CHRM2: variants seen among roughly 807,000 people sequenced by gnomAD.
CHRM2 encodes the protein cholinergic receptor muscarinic 2.
CHRM2 carries 8 observed loss-of-function variants against 25.0 expected under a neutral mutation model. The observed-to-expected ratio is 0.32, with a 90% CI of 0.19 to 0.58. The LOEUF is 0.58. CHRM2 is among the 20% of genes least tolerant of loss of function. The pLI, the probability that CHRM2 is intolerant of heterozygous loss-of-function variation, is 0.88. For synonymous variants in CHRM2, 202 were observed against 205.7 expected (o/e 0.98, Z 0.15); for missense variants, 440 against 567.1 (o/e 0.78, Z 2.28).
chr7:136,903,528 A>G (rs1419420131), intron 2 of CHRM2, among the ~76,000 whole-genome samples: 2 of 152,036 alleles, frequency 1.3e-5, no homozygotes, highest in Admixed American at 1.3e-4. Context: ...GAAATGATAG[A>G]AGTATAAGTA....
chr7:136,903,264 T>C (rs751260775), intron 2 of CHRM2: 1 of 533,882 alleles, frequency 1.9e-6, no homozygotes, highest in Non-Finnish European at 3.8e-6. Flanking sequence ...CTCCATGCTG[T>C]TGAGCTGTTC....
At chr7:136,979,922 A>G (rs1378753846) in intron 2 of CHRM2, among the ~76,000 whole-genome samples, 1 of 152,198 alleles carries the variant, frequency 6.6e-6, no homozygotes, top group African/African-American at 2.4e-5. Context: ...TGTCTTGGCT[A>G]TATGGGCTCT....
intron 3 of CHRM2, among the ~76,000 whole-genome samples, chr7:136,998,017 G>T (rs899374455): frequency 1.3e-5 from 2 of 152,174 alleles, no homozygotes; most frequent in Non-Finnish European, 2.9e-5. Flanking sequence ...ACAAACCTTT[G>T]CTATGACATT....
chr7:136,957,201 T>C (rs1447053821), intron 2 of CHRM2, among the ~76,000 whole-genome samples: 2 of 152,324 alleles, frequency 1.3e-5, no homozygotes, highest in East Asian at 1.9e-4. Context: ...CTTTGTTCAG[T>C]ACATCTTTTG....
At chr7:136,960,163 C>A (rs1800983968) in intron 2 of CHRM2, among the ~76,000 whole-genome samples, 1 of 152,122 alleles carries the variant, frequency 6.6e-6, no homozygotes, top group Admixed American at 6.5e-5. Flanking sequence ...CAATGGCAGG[C>A]AAATGTATTT....
At chr7:136,922,927 G>A (rs1798531652) in intron 2 of CHRM2, among the ~76,000 whole-genome samples, 2 of 152,134 alleles carry the variant, frequency 1.3e-5, no homozygotes, top group African/African-American at 4.8e-5. Flanking sequence ...TATACTTGCT[G>A]AATCCTCTGA....
rs150549905 is a variant in CHRM2 at position 136,950,265 on chromosome 7, C to A, written c.-124-41922C>A. 2.6e-5 allele frequency among the ~76,000 whole-genome samples: 4 copies of A among 152,266 alleles called. No homozygotes were observed. The East Asian group carries it at 7.7e-4, about 29-fold the overall frequency. On this transcript the variant is annotated intron_variant, in intron 2 of 3. Transcript: ENST00000680005. ...TTGCATCAAGAAGACGAAGTGCCCT[C>A]GTTCCTCATCAGGACAAGTGTGGGT...
chr7:136,874,695 T>A (rs1795980003), intron 2 of CHRM2, among the ~76,000 whole-genome samples: 1 of 151,880 alleles, frequency 6.6e-6, no homozygotes, highest in Admixed American at 6.6e-5. Context: ...TTAGGGAGAA[T>A]TTCAATTTCA....
chr7:137,016,654 G>A lies in CHRM2; in HGVS notation c.*388G>A. ...TTGTTCTCATGTGTCCTTAAGAGAA[G>A]GAAATGCCACAGTTACAAGGTAAAC... On this transcript the variant is annotated 3_prime_UTR_variant, in exon 4 of 4. Transcript: ENST00000680005. 4.8e-6 allele frequency: 1 copy of A among 208,922 alleles called. No homozygotes were observed. Among genetic ancestry groups the A allele is most frequent in the Non-Finnish European group, 1.1e-5 (1 of 94,026 alleles). 12.9% of individuals were successfully genotyped at this position (208,922 alleles called of 1,614,324 possible).
Position 136,957,225 on chromosome 7 carries a change from C to T in CHRM2, c.-124-34962C>T, listed in dbSNP as rs35015121. ...GTACATCTTTTGGGGGCAGCCCACTCCTATCAACATAACAGGTGTCATAGT... is the reference window on the plus strand; with the variant it reads ...GTACATCTTTTGGGGGCAGCCCACTTCTATCAACATAACAGGTGTCATAGT... On this transcript the variant is annotated intron_variant, in intron 2 of 3. Coordinates refer to ENST00000680005, the MANE Select transcript of CHRM2 (RefSeq NM_001006630.2). 2.5e-3 allele frequency among the ~76,000 whole-genome samples: 383 copies of T among 152,078 alleles called. 1 individual carries two copies. Among genetic ancestry groups the T allele is most frequent in the Non-Finnish European group, 4.1e-3 (276 of 67,986 alleles).
In CHRM2 at chr7:136,932,106, A is replaced by G. The variant is rs796544884; in HGVS notation, c.-124-60081A>G. ...AATGATAATAACAAAAACAAAAATA[A>G]TAATCTGATTCAAAATTTACATTAT... On this transcript the variant is annotated intron_variant, in intron 2 of 3. Transcript: ENST00000680005. Among the ~76,000 whole-genome samples, 17 of 152,358 alleles carry G rather than the reference A, an allele frequency of 1.1e-4. 1 individual carries two copies. The South Asian group carries it at 3.5e-3, about 32-fold the overall frequency.
intron 2 of CHRM2, among the ~76,000 whole-genome samples, chr7:136,901,388 G>A (rs117628431): frequency 2.1e-3 from 320 of 152,160 alleles, no homozygotes; most frequent in Middle Eastern, 6.8e-3. Flanking sequence ...GCTTTACCAC[G>A]TAGGCAAATT....
chr7:136,932,118 A>C (rs1275369703), intron 2 of CHRM2, among the ~76,000 whole-genome samples: 1 of 152,252 alleles, frequency 6.6e-6, no homozygotes, highest in Non-Finnish European at 1.5e-5. Flanking sequence ...AATCTGATTC[A>C]AAATTTACAT....
chr7:136,982,126 T>C (rs1802529517), intron 2 of CHRM2, among the ~76,000 whole-genome samples: 1 of 152,238 alleles, frequency 6.6e-6, no homozygotes. Context: ...ATCCTGGTGC[T>C]CCTGTATTGG....
intron 2 of CHRM2, among the ~76,000 whole-genome samples, chr7:136,878,648 C>T (rs17409769): frequency 0.13 from 20,384 of 151,788 alleles, 1,607 homozygotes; most frequent in Non-Finnish European, 0.18. Context: ...AATTTTAGAA[C>T]CTATGCCATT....
At position 136,994,521 on chromosome 7, in the gene CHRM2, C is replaced by CTTT. The variant is rs757243972; in HGVS notation, c.-47+2281_-47+2283dup. On this transcript the variant is annotated intron_variant, in intron 3 of 3. Coordinates refer to ENST00000680005, the MANE Select transcript of CHRM2 (RefSeq NM_001006630.2). The stretch of plus-strand genomic sequence containing the variant: ...GTGCTTTCTGCTCTTTTTTTCTTTT[C>CTTT]TTTTTTTTTTTTTTTTTTTTTTTTT... Among the ~76,000 whole-genome samples the CTTT allele has an allele frequency of 3.1e-3, 218 of 71,324 alleles. 12 individuals carry two copies. The highest frequency in any genetic ancestry group is 0.011 in the African/African-American group (200 of 17,568). 46.8% of individuals were successfully genotyped at this position (71,324 alleles called of 152,430 possible).
intron 2 of CHRM2, among the ~76,000 whole-genome samples, chr7:136,890,398 G>C (rs75269178): frequency 0.02 from 2,996 of 152,324 alleles, 95 homozygotes; most frequent in African/African-American, 0.068. Flanking sequence ...TATCTGAATA[G>C]AGAGGGTTCT....
At chr7:136,984,072 G>A (rs1489045524) in intron 2 of CHRM2, among the ~76,000 whole-genome samples, 2 of 152,128 alleles carry the variant, frequency 1.3e-5, no homozygotes, top group Non-Finnish European at 2.9e-5. Context: ...CTGTCCCAGG[G>A]ATATGGGAAT....
chr7:136,892,424 T>C (rs1186571141), intron 2 of CHRM2, among the ~76,000 whole-genome samples: 1 of 151,864 alleles, frequency 6.6e-6, no homozygotes, highest in East Asian at 1.9e-4. Context: ...AACATCTAGA[T>C]AGATAGTGCA....
Sources: allele counts gnomAD v4.1 joint callset (sites outside exome capture counted in the v4.1 genomes callset), GRCh38; gene constraint gnomAD v4.1.1; transcripts MANE v1.5; gene names NCBI Gene and HGNC (gene_info 2026-07-23, HGNC 2026-07-21).